CSRNP3: variants seen among roughly 807,000 people sequenced by gnomAD.
CSRNP3 encodes cysteine/serine-rich nuclear protein 3.
In CSRNP3, 12 loss-of-function variants were observed where a neutral mutation model predicts 48.0. The ratio of observed to expected loss-of-function variants is 0.25; its 90% CI spans 0.16 to 0.41. The LOEUF (loss-of-function observed/expected upper bound fraction) is 0.41. Ranked by LOEUF, CSRNP3 falls within the 10% of genes least tolerant of loss-of-function variation. The pLI, the probability that CSRNP3 is intolerant of heterozygous loss-of-function variation, is 1.00. For synonymous variants in CSRNP3, 263 were observed against 269.7 expected, an observed-to-expected ratio of 0.98 and a Z score of 0.24; for missense variants, 580 against 724.4, an observed-to-expected ratio of 0.80 and a Z score of 2.29.
At chr2:165,594,260 G>T (rs976424921) in intron 3 of CSRNP3, among the ~76,000 whole-genome samples, 1 of 152,114 alleles carries the variant, frequency 6.6e-6, no homozygotes, top group Non-Finnish European at 1.5e-5. Context: ...TTTATAAAAT[G>T]TTTATACCCT....
intron 4 of CSRNP3, among the ~76,000 whole-genome samples, chr2:165,655,438 A>G (rs1316617269): frequency 6.6e-6 from 1 of 152,220 alleles, no homozygotes; most frequent in Non-Finnish European, 1.5e-5. Context: ...AAAATGAGAT[A>G]ATTCATGTAA....
chr2:165,496,964 G>A (rs961909728), intron 2 of CSRNP3, among the ~76,000 whole-genome samples: 3 of 151,926 alleles, frequency 2.0e-5, no homozygotes, highest in African/African-American at 7.2e-5. Context: ...ACACCATCAA[G>A]CCTTACAATT....
At chr2:165,633,190 A>G (rs1352684177) in intron 4 of CSRNP3, among the ~76,000 whole-genome samples, 3 of 152,186 alleles carry the variant, frequency 2.0e-5, no homozygotes, top group African/African-American at 7.2e-5. Context: ...CCTATTCCAA[A>G]GGACTTAATA....
intron 3 of CSRNP3, among the ~76,000 whole-genome samples, chr2:165,566,522 A>G (rs1221891882): frequency 6.6e-6 from 1 of 151,750 alleles, no homozygotes; most frequent in Non-Finnish European, 1.5e-5. Context: ...AAAAGTAGCT[A>G]CCTCATAGGC....
At chr2:165,531,252 A>G (rs1451407016) in intron 3 of CSRNP3, among the ~76,000 whole-genome samples, 8 of 152,306 alleles carry the variant, frequency 5.3e-5, no homozygotes, top group Middle Eastern at 3.4e-3. Context: ...GTCTATCCTT[A>G]TCTTCCTACT....
chr2:165,485,806 C>T (rs1558913419), intron 1 of CSRNP3, among the ~76,000 whole-genome samples: 1 of 152,098 alleles, frequency 6.6e-6, no homozygotes, highest in Non-Finnish European at 1.5e-5. Flanking sequence ...TAAAAGAAAG[C>T]TTACATTTAC....
intron 4 of CSRNP3, among the ~76,000 whole-genome samples, chr2:165,637,639 A>G (rs969145198): frequency 6.6e-6 from 1 of 152,254 alleles, no homozygotes; most frequent in Admixed American, 6.5e-5. Flanking sequence ...TGTAAAACAT[A>G]TGATCATAAG....
intron 4 of CSRNP3, among the ~76,000 whole-genome samples, chr2:165,631,031 C>A (rs180885321): frequency 7.0e-4 from 106 of 152,306 alleles, no homozygotes; most frequent in Middle Eastern, 3.4e-3. Context: ...ATTACCCACA[C>A]TAAACATTAT....
chr2:165,534,231 A>G (rs537760109), intron 3 of CSRNP3, among the ~76,000 whole-genome samples: 1 of 152,000 alleles, frequency 6.6e-6, no homozygotes, highest in African/African-American at 2.4e-5. Flanking sequence ...CCCTCATAAT[A>G]TTTACTAAAA....
chr2:165,668,133 A>G (rs1687266073), intron 5 of CSRNP3, among the ~76,000 whole-genome samples: 1 of 152,228 alleles, frequency 6.6e-6, no homozygotes, highest in South Asian at 2.1e-4. Flanking sequence ...ATATAGTCTT[A>G]CAACACTAGA....
chr2:165,650,240 G>A (rs1168138957), intron 4 of CSRNP3, among the ~76,000 whole-genome samples: 1 of 152,174 alleles, frequency 6.6e-6, no homozygotes, highest in Non-Finnish European at 1.5e-5. Context: ...AAACGAGAAT[G>A]TGCCTGGAAT....
intron 3 of CSRNP3, among the ~76,000 whole-genome samples, chr2:165,547,864 A>G (rs542947225): frequency 1.1e-3 from 165 of 152,124 alleles, no homozygotes; most frequent in Non-Finnish European, 2.0e-3. Context: ...ACCACTTGCA[A>G]TAATGACCTC....
rs187805003 is a variant in CSRNP3 at position 165,625,081 on chromosome 2, G to A, written c.148+29868G>A. 3.5e-3 allele frequency among the ~76,000 whole-genome samples: 534 copies of A among 152,224 alleles called. 7 individuals carry two copies. The highest frequency in any genetic ancestry group is 0.012 in the African/African-American group (515 of 41,550). ...AGTCCAAGAGATCTCATTTCAAATCGTGACTCCCATCATTTTGGTTGTGTC... is the reference window on the plus strand; with the variant it reads ...AGTCCAAGAGATCTCATTTCAAATCATGACTCCCATCATTTTGGTTGTGTC... On this transcript the variant is annotated intron_variant, in intron 4 of 6. Coordinates refer to ENST00000651982, the MANE Select transcript of CSRNP3 (RefSeq NM_001172173.2).
intron 5 of CSRNP3, among the ~76,000 whole-genome samples, chr2:165,666,273 AGGAAG>A (rs1198094276): frequency 7.4e-6 from 1 of 134,722 alleles, no homozygotes; most frequent in African/African-American, 2.9e-5. Context: ...AGAGAGAGGA[AGGAAG>A]GAAAGGGAGA....
At chr2:165,508,187 C>A (rs1194300101) in intron 2 of CSRNP3, among the ~76,000 whole-genome samples, 1 of 151,966 alleles carries the variant, frequency 6.6e-6, no homozygotes, top group Non-Finnish European at 1.5e-5. Context: ...TAGCTGTGTT[C>A]CCAGGACCAT....
intron 3 of CSRNP3, among the ~76,000 whole-genome samples, chr2:165,541,202 A>G (rs1684952232): frequency 6.7e-6 from 1 of 149,266 alleles, no homozygotes; most frequent in African/African-American, 2.5e-5. Context: ...CTATGTAATC[A>G]TATCCTCTAC....
chr2:165,549,603 T>C (rs1685072831), intron 3 of CSRNP3, among the ~76,000 whole-genome samples: 1 of 152,170 alleles, frequency 6.6e-6, no homozygotes, highest in African/African-American at 2.4e-5. Flanking sequence ...CTATGTCATT[T>C]AAATCTTCAC....
At chr2:165,528,145 G>A (rs371097756) in intron 3 of CSRNP3, among the ~76,000 whole-genome samples, 2 of 152,102 alleles carry the variant, frequency 1.3e-5, no homozygotes, top group African/African-American at 2.4e-5. Context: ...GAAATGTTGA[G>A]TCCTTTGCCT....
At chr2:165,654,491 G>A (rs1686969930) in intron 4 of CSRNP3, among the ~76,000 whole-genome samples, 1 of 152,138 alleles carries the variant, frequency 6.6e-6, no homozygotes, top group Non-Finnish European at 1.5e-5. Context: ...AGTTGAGAAA[G>A]CCGAATTGCT....
Sources: allele counts gnomAD v4.1 joint callset (sites outside exome capture counted in the v4.1 genomes callset), GRCh38; gene constraint gnomAD v4.1.1; transcripts MANE v1.5; gene names NCBI Gene and HGNC (gene_info 2026-07-23, HGNC 2026-07-21).